SAMD11: variants seen among roughly 807,000 people sequenced by gnomAD.
The protein encoded by SAMD11 is sterile alpha motif domain-containing protein 11.
SAMD11 carries 77 observed loss-of-function variants against 64.4 expected under a neutral mutation model. The ratio of observed to expected loss-of-function variants is 1.20; its 90% confidence interval spans 0.99 to 1.44. The LOEUF (loss-of-function observed/expected upper bound fraction) is 1.44. Among genes scored for constraint, SAMD11 ranks in the 40% most tolerant of loss-of-function variants. The probability of loss-of-function intolerance (pLI) is 0.00; values close to 1 mark genes in which losing one functional copy is unlikely to be tolerated. For synonymous variants in SAMD11, 658 were observed against 421.9 expected (o/e 1.56, Z -6.86); for missense variants, 1,402 against 943.3 (o/e 1.49, Z -6.37).
At chr1:935,737 C>T (rs1404930900) in intron 4 of SAMD11, 35 bp from the exon 5 acceptor site, 1 of 1,612,198 alleles carries the variant, frequency 6.2e-7, no homozygotes, top group Non-Finnish European at 8.5e-7. Flanking sequence ...TCGCAGCTGC[C>T]CACGGGGTCA....
rs528794807 is a variant in SAMD11, at chr1:936,846, C to G, written c.967+950C>G. Among the ~76,000 whole-genome samples, 4 of 152,286 alleles carry G rather than the reference C, an allele frequency of 2.6e-5. No homozygotes were observed. In the East Asian group the frequency reaches 7.7e-4, roughly 29 times the overall value. ...GATAAAATCTAATTGCCCCATCGATCCAGCAGAGCGGAGGGAGCCCCACAA... is the reference window on the plus strand; with the variant it reads ...GATAAAATCTAATTGCCCCATCGATGCAGCAGAGCGGAGGGAGCCCCACAA... On this transcript the variant is annotated intron_variant, in intron 5 of 13. Transcript: ENST00000616016.
rs749874826 is a variant in SAMD11, at chr1:943,983, C to T, written c.2365C>T (p.Arg789Trp). The T allele has an allele frequency of 9.3e-6, 15 of 1,612,668 alleles. No individual in the cohort carries two copies. Among genetic ancestry groups the T allele is most frequent in the African/African-American group, 2.7e-5 (2 of 74,924 alleles). ...TCTGCCACTGCAGCCACCAACCCTG[C>T]GGGCCCCGGAGCGAGAACTCGGCAC... ...VALPLQPPTL[R>W]APERELGTGE... Residue 789 changes from arginine to tryptophan, a missense_variant, in exon 14 of 14, where the codon CGG (arginine) becomes TGG (tryptophan). Transcript: ENST00000616016.
In SAMD11 at chr1:936,222, C is replaced by G. The variant is rs556396535; in HGVS notation, c.967+326C>G. ...TGGAGGAACGCACGCACTCCCGCAG[C>G]GCACGCATGACTGGTCCCGCCTCCT... On this transcript the variant is annotated intron_variant, in intron 5 of 13. Transcript: ENST00000616016. Among the ~76,000 whole-genome samples, 4 of 152,170 alleles carry G rather than the reference C, an allele frequency of 2.6e-5. No homozygotes were observed. In the South Asian group the frequency reaches 8.3e-4, roughly 32 times the overall value.
chr1:940,854 G>A (rs906342051), intron 7 of SAMD11, among the ~76,000 whole-genome samples: 18 of 152,142 alleles, frequency 1.2e-4, no homozygotes, highest in Non-Finnish European at 2.4e-4. Flanking sequence ...CGGGACGTCT[G>A]CACAGCCCCC....
At chr1:933,460 C>G (rs28532704) in intron 4 of SAMD11, among the ~76,000 whole-genome samples, 1 of 152,108 alleles carries the variant, frequency 6.6e-6, no homozygotes, top group Non-Finnish European at 1.5e-5. Context: ...TCCTTCTGGG[C>G]GCCAGGCTCG....
In SAMD11 at chr1:944,102, G is replaced by T. The variant is rs149880798; in HGVS notation, c.2484G>T (p.Gly828=). Residue 828 remains glycine (G), a synonymous_variant, in exon 14 of 14, where the codon GGG becomes GGT. Transcript: ENST00000616016. The part of the protein sequence containing the change: ...AGQTSPKQEN[G]TLALLPGAPD... ...AAACTTCACCCAAGCAGGAGAATGG[G>T]ACCTTGGCTCTACTTCCAGGGGCCC... 1.2e-6 allele frequency: 2 copies of T among 1,609,162 alleles called. No individual in the cohort carries two copies. Among genetic ancestry groups the T allele is most frequent in the African/African-American group, 1.3e-5 (1 of 74,798 alleles).
chr1:943,120 A>T, intron 11 of SAMD11, 62 bp downstream of exon 11: 1 of 1,556,464 alleles, frequency 6.4e-7, no homozygotes. Flanking sequence ...CGCCTGTGGA[A>T]GGGTCTTGGG....
At chr1:942,077 C>CG in intron 8 of SAMD11, 59 bp from the exon 9 acceptor site, 1 of 507,400 alleles carries the variant, frequency 2.0e-6, no homozygotes, top group Non-Finnish European at 3.4e-6. Flanking sequence ...GGAGGGGCGC[C>CG]GGGGCCTTTA....
intron 5 of SAMD11, among the ~76,000 whole-genome samples, chr1:937,487 G>A (rs1641520560): frequency 6.7e-6 from 1 of 148,706 alleles, no homozygotes; most frequent in African/African-American, 2.5e-5. Context: ...GTGTACAATG[G>A]AAAAGTGATT....
rs199869504 is a variant in SAMD11, at chr1:944,047, C to T, written c.2429C>T (p.Pro810Leu). The change falls in exon 14 of 14, where the codon CCC becomes CTC. Residue 810 changes from proline to leucine, a missense_variant. Pro to Leu is a moderately conservative substitution (Grantham distance 98). Coordinates refer to ENST00000616016, the MANE Select transcript of SAMD11 (RefSeq NM_001385641.1). The stretch of plus-strand genomic sequence containing the variant: ...TTGTCCCCCACGACGGCCACGTCCC[C>T]CTATGGAGGGGGCCACGCCCTTGCC... ...QPLSPTTATS[P>L]YGGGHALAGQ... The T allele has an allele frequency of 5.0e-6, 8 of 1,612,780 alleles. No individual in the cohort carries two copies. The highest frequency in any genetic ancestry group is 4.4e-5 in the South Asian group (4 of 91,082).
At chr1:929,710 G>C (rs1331943317) in intron 2 of SAMD11, among the ~76,000 whole-genome samples, 1 of 152,210 alleles carries the variant, frequency 6.6e-6, no homozygotes, top group Non-Finnish European at 1.5e-5. Context: ...GCCCTAAGAA[G>C]GGAGCTGGGA....
In SAMD11 at chr1:944,410, C is replaced by T. The variant is rs946988897; in HGVS notation, c.*257C>T. The T allele has an allele frequency of 7.7e-6, 9 of 1,161,548 alleles. No individual in the cohort carries two copies. Among genetic ancestry groups the T allele is most frequent in the Non-Finnish European group, 1.0e-5 (9 of 903,684 alleles). 72.0% of individuals were successfully genotyped at this position (1,161,548 alleles called of 1,614,324 possible). ...GGGCCAGGGGCCTGCAGGCCTCCCC[C>T]TGGAACTGGGACTGGTCTCGGTCTG... On this transcript the variant is annotated 3_prime_UTR_variant, in exon 14 of 14. Coordinates refer to ENST00000616016, the MANE Select transcript of SAMD11 (RefSeq NM_001385641.1).
chr1:939,520 C>T, intron 7 of SAMD11, 108 bp downstream of exon 7: 2 of 1,546,374 alleles, frequency 1.3e-6, no homozygotes, highest in Non-Finnish European at 1.7e-6. Flanking sequence ...TGTACTCGGC[C>T]ATTCCTGTTG....
Position 943,261 on chromosome 1 carries a change from G to A in SAMD11, c.2062G>A (p.Gly688Arg), listed in dbSNP as rs993612351. 3.7e-6 allele frequency: 6 copies of A among 1,612,914 alleles called. No individual in the cohort carries two copies. In the South Asian group the frequency reaches 5.5e-5, roughly 15 times the overall value. ...CACGCCCCACAACTCAGGCGCGGTA[G>A]GGGGACTCTCCATGGATGGGGAGGA... is the stretch of plus-strand genomic sequence containing the variant. ...VSPYFHTGAVGGLSMDGEEAP... is the reference protein window; with the variant it reads ...VSPYFHTGAVRGLSMDGEEAP... Residue 688 changes from glycine (G) to arginine (R), a missense_variant, in exon 12 of 14, where the codon GGG becomes AGG. Gly to Arg is a moderately radical substitution (Grantham distance 125). Transcript: ENST00000616016.
Position 942,169 on chromosome 1 carries a change from G to C in SAMD11, c.1392G>C (p.Pro464=). The C allele has an allele frequency of 7.0e-7, 1 of 1,433,058 alleles. No individual in the cohort carries two copies. Among genetic ancestry groups the C allele is most frequent in the Non-Finnish European group, 9.2e-7 (1 of 1,086,298 alleles). 88.8% of individuals were successfully genotyped at this position (1,433,058 alleles called of 1,614,324 possible). The change falls in exon 9 of 14, where the codon CCG becomes CCC. Residue 464 remains proline (P), a synonymous_variant. Coordinates refer to ENST00000616016, the MANE Select transcript of SAMD11 (RefSeq NM_001385641.1). ...ELPQPPPLLS[P]QNAPHVALGP... ...CTCAGCCGCCCCCCTTGCTGTCGCC[G>C]CAGAATGCCCCTCACGTCGCCCTGG...
In SAMD11 at chr1:944,048, C is replaced by G. The variant is rs1281082506; in HGVS notation, c.2430C>G (p.Pro810=). 1.2e-6 allele frequency: 2 copies of G among 1,612,686 alleles called. No homozygotes were observed. The highest frequency in any genetic ancestry group is 2.7e-5 in the African/African-American group (2 of 74,920). ...TGTCCCCCACGACGGCCACGTCCCC[C>G]TATGGAGGGGGCCACGCCCTTGCCG... The part of the protein sequence containing the change: ...QPLSPTTATS[P]YGGGHALAGQ... The change falls in exon 14 of 14, where the codon CCC becomes CCG. Residue 810 remains proline, a synonymous_variant. Transcript: ENST00000616016.
intron 7 of SAMD11, among the ~76,000 whole-genome samples, chr1:940,820 G>C (rs71628924): frequency 0.025 from 3,802 of 152,270 alleles, 68 homozygotes; most frequent in Non-Finnish European, 0.042. Flanking sequence ...GGACTCTCTC[G>C]CTGCCCCGCA....
At chr1:939,786 GGACGCCGACCTGCCA>G (rs1304600459) in intron 7 of SAMD11, among the ~76,000 whole-genome samples, 2 of 42,520 alleles carry the variant, frequency 4.7e-5, no homozygotes, top group Non-Finnish European at 2.0e-4. Context: ...TGCAGCCAGT[GGACGCCGACCTGCCA>G]GACGCCTGCC....
Position 935,881 on chromosome 1 carries a change from G to C in SAMD11, c.952G>C (p.Gly318Arg). 6.2e-7 allele frequency: 1 copy of C among 1,612,596 alleles called. No homozygotes were observed. Among genetic ancestry groups the C allele is most frequent in the Non-Finnish European group, 8.5e-7 (1 of 1,179,648 alleles). ...ATTCCAGAGAGGCAGCCTGGAGATTGGCCTGCGACCCGCCGGTGAGGAGCA... is the reference window on the plus strand; with the variant it reads ...ATTCCAGAGAGGCAGCCTGGAGATTCGCCTGCGACCCGCCGGTGAGGAGCA... Reference protein sequence around the residue: ...CEFQRGSLEIGLRPAGDLLGK... With the variant: ...CEFQRGSLEIRLRPAGDLLGK... Residue 318 changes from glycine (G) to arginine (R), a missense_variant, in exon 5 of 14, where the codon GGC becomes CGC. By Grantham distance (125) the Gly-to-Arg change is moderately radical. Coordinates refer to ENST00000616016, the MANE Select transcript of SAMD11 (RefSeq NM_001385641.1).
Sources: allele counts gnomAD v4.1 joint callset (sites outside exome capture counted in the v4.1 genomes callset), GRCh38; gene constraint gnomAD v4.1.1; transcripts MANE v1.5; gene names NCBI Gene and HGNC (gene_info 2026-07-23, HGNC 2026-07-21).